Variants in SLC39A10 observed in about 807,000 individuals in gnomAD.
The protein encoded by SLC39A10 is zinc transporter ZIP10.
A neutral mutation model predicts 65.1 loss-of-function variants in SLC39A10; 13 were observed. The observed-to-expected ratio is 0.20, with a 90% CI of 0.13 to 0.32. The LOEUF (loss-of-function observed/expected upper bound fraction) is 0.32. Among genes scored for constraint, SLC39A10 ranks in the 10% least tolerant of loss-of-function variants. The pLI is 1.00. For synonymous variants in SLC39A10, 321 were observed against 342.2 expected, an observed-to-expected ratio of 0.94 and a Z score of 0.68; for missense variants, 831 against 1,018.4, an observed-to-expected ratio of 0.82 and a Z score of 2.50.
rs751424069 is a variant in SLC39A10, at chr2:195,645,160, C to T, written c.-11-34872C>T. Among the ~76,000 whole-genome samples the T allele has an allele frequency of 4.6e-5, 7 of 151,948 alleles. No individual in the cohort carries two copies. The East Asian group carries it at 1.4e-3, about 29-fold the overall frequency. ...CCGACCTCAGGTGATCCGCCTGCCTCGGCCTCCCAAAGTGCTGGGATTATA... is the reference window on the plus strand; with the variant it reads ...CCGACCTCAGGTGATCCGCCTGCCTTGGCCTCCCAAAGTGCTGGGATTATA... On this transcript the variant is annotated intron_variant, in intron 2 of 2. Coordinates refer to the SLC39A10 transcript ENST00000458054.
intron 6 of SLC39A10, 114 bp from the exon 7 acceptor site, chr2:195,716,523 G>T: frequency 2.5e-6 from 2 of 791,132 alleles, no homozygotes; most frequent in Non-Finnish European, 3.7e-6. Context: ...AATTATTTAA[G>T]AATTCTAAAA....
chr2:195,682,460 A>G (rs1690361964), intron 2 of SLC39A10, among the ~76,000 whole-genome samples: 1 of 151,990 alleles, frequency 6.6e-6, no homozygotes, highest in South Asian at 2.1e-4. Flanking sequence ...TTATTTTCAA[A>G]AATTTATTTT....
chr2:195,682,467 T>G (rs1365433230), intron 2 of SLC39A10, among the ~76,000 whole-genome samples: 2 of 151,994 alleles, frequency 1.3e-5, no homozygotes, highest in East Asian at 3.9e-4. Flanking sequence ...CAAAAATTTA[T>G]TTTTTGTAAA....
chr2:195,619,303 C>T (rs544370887), intron 2 of SLC39A10, among the ~76,000 whole-genome samples: 2 of 152,142 alleles, frequency 1.3e-5, no homozygotes, highest in Non-Finnish European at 2.9e-5. Context: ...ACTTGGAAAC[C>T]AATTAGCTAT....
At chr2:195,674,205 T>C (rs1689987471) in intron 1 of SLC39A10, among the ~76,000 whole-genome samples, 1 of 151,870 alleles carries the variant, frequency 6.6e-6, no homozygotes, top group Non-Finnish European at 1.5e-5. Flanking sequence ...ATATACCATA[T>C]TTATTTATTC....
At position 195,694,998 on chromosome 2, in the gene SLC39A10, T is replaced by C. The variant is rs372661327; in HGVS notation, c.1216+11092T>C. Among the ~76,000 whole-genome samples the C allele has an allele frequency of 4.6e-5, 7 of 152,110 alleles. No individual in the cohort carries two copies. The East Asian group carries it at 1.4e-3, about 29-fold the overall frequency. ...CTCTCCGCGGGGCCGGAGTCCCTGCTAAAGTGCTTCTCGCTTCGCAGGTAG... is the reference window on the plus strand; with the variant it reads ...CTCTCCGCGGGGCCGGAGTCCCTGCCAAAGTGCTTCTCGCTTCGCAGGTAG... On this transcript the variant is annotated intron_variant, in intron 3 of 9. Coordinates refer to ENST00000359634, the MANE Select transcript of SLC39A10 (RefSeq NM_020342.3).
rs1054449161 is a variant in SLC39A10, at chr2:195,708,969, A to C, written c.1575+125A>C. The stretch of plus-strand genomic sequence containing the variant: ...ATTAAGTCTCAGTTTTGTAACAGCT[A>C]ATCTTTAGAGTAAAAAGCTGACTTT... On this transcript the variant is annotated intron_variant, in intron 5 of 9. Transcript: ENST00000359634. The C allele has an allele frequency of 1.1e-5, 7 of 656,896 alleles. No homozygotes were observed. The Admixed American group carries it at 2.4e-4, about 23-fold the overall frequency. 40.7% of individuals were successfully genotyped at this position (656,896 alleles called of 1,614,324 possible).
intron 1 of SLC39A10, among the ~76,000 whole-genome samples, chr2:195,663,511 A>G (rs1689493229): frequency 6.6e-6 from 1 of 152,170 alleles, no homozygotes. Flanking sequence ...AAGAAAACGT[A>G]ATAATAAGAT....
At chr2:195,657,743 C>A in intron 1 of SLC39A10, 1 of 611,746 alleles carries the variant, frequency 1.6e-6, no homozygotes, top group Non-Finnish European at 2.0e-6. Flanking sequence ...GATCTGTAGG[C>A]AGGTCTTCGG....
At chr2:195,734,339 T>G (rs997052986) in intron 9 of SLC39A10, among the ~76,000 whole-genome samples, 12 of 151,894 alleles carry the variant, frequency 7.9e-5, no homozygotes, top group Non-Finnish European at 1.3e-4. Flanking sequence ...CCCAGCTAAT[T>G]TTTGTATTTT....
At chr2:195,725,050 C>T (rs1318032609) in intron 8 of SLC39A10, among the ~76,000 whole-genome samples, 5 of 151,314 alleles carry the variant, frequency 3.3e-5, no homozygotes, top group African/African-American at 7.3e-5. Flanking sequence ...CAACAAATGG[C>T]GCTGTAACAA....
intron 2 of SLC39A10, among the ~76,000 whole-genome samples, chr2:195,617,356 T>G (rs1025519237): frequency 2.0e-5 from 3 of 148,318 alleles, no homozygotes; most frequent in Admixed American, 1.4e-4. Context: ...AGGTCAGGAC[T>G]TTGAGGCCAG....
chr2:195,708,649 T>C lies in SLC39A10; in HGVS notation c.1387-7T>C, dbSNP rs1691493112. 6.5e-7 allele frequency: 1 copy of C among 1,541,206 alleles called. No homozygotes were observed. Among genetic ancestry groups the C allele is most frequent in the Non-Finnish European group, 8.7e-7 (1 of 1,149,358 alleles). On this transcript the variant is annotated splice_polypyrimidine_tract_variant and splice_region_variant and intron_variant, in intron 4 of 9. Coordinates refer to ENST00000359634, the MANE Select transcript of SLC39A10 (RefSeq NM_020342.3). ...TGTTTAGAAGTTTTATTTGTTCTTA[T>C]TAATAGTCTCAGGGTGGACATGATC...
At chr2:195,619,914 C>CTATTTATT (rs555056581) in intron 2 of SLC39A10, among the ~76,000 whole-genome samples, 7 of 151,512 alleles carry the variant, frequency 4.6e-5, no homozygotes, top group African/African-American at 7.3e-5. Flanking sequence ...CAGGACTTTA[C>CTATTTATT]TATTTATTTA....
At chr2:195,668,803 G>C (rs1444040023) in intron 1 of SLC39A10, among the ~76,000 whole-genome samples, 1 of 152,092 alleles carries the variant, frequency 6.6e-6, no homozygotes, top group African/African-American at 2.4e-5. Context: ...GGGTACTGTC[G>C]CTCGCACCCA....
At chr2:195,662,610 C>T (rs1276656633) in intron 1 of SLC39A10, among the ~76,000 whole-genome samples, 1 of 152,128 alleles carries the variant, frequency 6.6e-6, no homozygotes, top group Non-Finnish European at 1.5e-5. Context: ...TAAAAAGAAA[C>T]AATTTCAGAT....
At position 195,657,303 on chromosome 2, in the gene SLC39A10, G is replaced by A. The variant is rs1367734344; in HGVS notation, c.-12+22G>A. On this transcript the variant is annotated intron_variant, in intron 1 of 9. Coordinates refer to ENST00000359634, the MANE Select transcript of SLC39A10 (RefSeq NM_020342.3). ...TGAGGTAACTATAAAACCCCGATTT[G>A]TTTACATTCCCTCCCCCAGAACCGG... The A allele has an allele frequency of 3.5e-5, 29 of 831,416 alleles. No homozygotes were observed. The Admixed American group carries it at 1.8e-3, about 52-fold the overall frequency. 51.5% of individuals were successfully genotyped at this position (831,416 alleles called of 1,614,324 possible).
At chr2:195,668,700 GTTGT>G (rs754401211) in intron 1 of SLC39A10, among the ~76,000 whole-genome samples, 103 of 152,138 alleles carry the variant, frequency 6.8e-4, no homozygotes, top group Non-Finnish European at 4.9e-4. Context: ...TGTTGTTGTT[GTTGT>G]TTGTTTGTTT....
At chr2:195,732,322 GT>G (rs1692456486) in intron 9 of SLC39A10, among the ~76,000 whole-genome samples, 1 of 152,180 alleles carries the variant, frequency 6.6e-6, no homozygotes, top group African/African-American at 2.4e-5. Flanking sequence ...AGAAGTTTTA[GT>G]TTGAGATACC....
Sources: gnomAD v4.1 joint callset for allele counts (sites outside exome capture counted in the v4.1 genomes callset) on GRCh38, gnomAD v4.1.1 for gene constraint, MANE v1.5 for transcripts, NCBI Gene and HGNC (gene_info 2026-07-23, HGNC 2026-07-21) for gene names.